GRID2: variants seen among roughly 807,000 people sequenced by gnomAD.
The protein encoded by GRID2 is glutamate receptor ionotropic, delta-2.
In GRID2, 33 loss-of-function variants were observed where a neutral mutation model predicts 114.8. The ratio of observed to expected loss-of-function variants is 0.29; its 90% CI spans 0.22 to 0.38. GRID2 has a LOEUF of 0.38. Ranked by LOEUF, GRID2 falls within the 10% of genes least tolerant of loss-of-function variation. GRID2 has a pLI of 1.00. For missense variants in GRID2, 1,184 were observed against 1,257.7 expected, an observed-to-expected ratio of 0.94 and a Z score of 0.89; for synonymous variants, 505 against 449.9, an observed-to-expected ratio of 1.12 and a Z score of -1.55.
intron 2 of GRID2, among the ~76,000 whole-genome samples, chr4:92,748,204 A>G (rs530597573): frequency 1.2e-3 from 176 of 152,334 alleles, no homozygotes; most frequent in African/African-American, 4.0e-3. Context: ...TATTTAAGGC[A>G]TGTATTAGAA....
chr4:93,461,239 G>A (rs956658526), intron 11 of GRID2, among the ~76,000 whole-genome samples: 1 of 152,058 alleles, frequency 6.6e-6, no homozygotes, highest in Admixed American at 6.6e-5. Flanking sequence ...TTGAAAAGCT[G>A]CTATTCTTCC....
At chr4:93,245,921 A>G (rs1748154202) in intron 8 of GRID2, among the ~76,000 whole-genome samples, 1 of 152,244 alleles carries the variant, frequency 6.6e-6, no homozygotes, top group Non-Finnish European at 1.5e-5. Context: ...CAAGAACTAC[A>G]AAGTCTAGTT....
intron 10 of GRID2, among the ~76,000 whole-genome samples, chr4:93,428,566 T>A (rs1156371544): frequency 6.6e-6 from 1 of 152,176 alleles, no homozygotes; most frequent in African/African-American, 2.4e-5. Flanking sequence ...ATATTTTTGA[T>A]GCAAAAATAC....
chr4:93,012,471 A>C (rs1434915772), intron 2 of GRID2, among the ~76,000 whole-genome samples: 1 of 152,092 alleles, frequency 6.6e-6, no homozygotes, highest in African/African-American at 2.4e-5. Context: ...TAGTCTACTG[A>C]GGCCTAGGGC....
chr4:92,493,352 C>G (rs10024635), intron 1 of GRID2, among the ~76,000 whole-genome samples: 1 of 152,148 alleles, frequency 6.6e-6, no homozygotes, highest in African/African-American at 2.4e-5. Context: ...CCACCTGATA[C>G]CTATGCTGGG....
chr4:93,427,551 T>TA (rs1768973192), intron 10 of GRID2, among the ~76,000 whole-genome samples: 1 of 152,000 alleles, frequency 6.6e-6, no homozygotes, highest in South Asian at 2.1e-4. Flanking sequence ...ACCATCACAT[T>TA]AAAGAAGAGT....
intron 3 of GRID2, among the ~76,000 whole-genome samples, chr4:93,091,518 C>A (rs1261961193): frequency 6.6e-6 from 1 of 152,054 alleles, no homozygotes; most frequent in Admixed American, 6.6e-5. Context: ...TAACATCTGT[C>A]CTTTCCCCAT....
chr4:93,293,416 A>G (rs1753955908), intron 8 of GRID2, among the ~76,000 whole-genome samples: 1 of 152,196 alleles, frequency 6.6e-6, no homozygotes, highest in Non-Finnish European at 1.5e-5. Flanking sequence ...AATGTTCAAG[A>G]CAAAAATAAG....
At chr4:92,909,673 G>A (rs1399247998) in intron 2 of GRID2, among the ~76,000 whole-genome samples, 1 of 151,960 alleles carries the variant, frequency 6.6e-6, no homozygotes, top group South Asian at 2.1e-4. Context: ...TCTTATACAG[G>A]AATTCAGAGC....
At chr4:93,170,591 G>C (rs545257340) in intron 4 of GRID2, among the ~76,000 whole-genome samples, 6 of 152,202 alleles carry the variant, frequency 3.9e-5, no homozygotes, top group Admixed American at 3.3e-4. Flanking sequence ...TTTGCATTTT[G>C]GGGGCATTAA....
chr4:92,850,496 T>C (rs1182562132), intron 2 of GRID2, among the ~76,000 whole-genome samples: 1 of 151,952 alleles, frequency 6.6e-6, no homozygotes, highest in African/African-American at 2.4e-5. Flanking sequence ...TATGGTTTTA[T>C]TTGCAGTGTT....
chr4:93,352,210 A>G (rs920268401), intron 8 of GRID2, among the ~76,000 whole-genome samples: 1 of 152,046 alleles, frequency 6.6e-6, no homozygotes, highest in Non-Finnish European at 1.5e-5. Context: ...TCATTGAATC[A>G]TAATCAAGGT....
intron 1 of GRID2, among the ~76,000 whole-genome samples, chr4:92,348,318 A>C (rs1462133736): frequency 6.6e-6 from 1 of 152,140 alleles, no homozygotes; most frequent in Non-Finnish European, 1.5e-5. Flanking sequence ...AACCTTATAG[A>C]TTTTATATTT....
At chr4:93,045,154 A>G (rs1034184803) in intron 2 of GRID2, among the ~76,000 whole-genome samples, 3 of 152,102 alleles carry the variant, frequency 2.0e-5, no homozygotes, top group Non-Finnish European at 4.4e-5. Context: ...AGAATCGACT[A>G]TGTCTAATTC....
At chr4:92,583,902 T>G (rs1579627491) in intron 1 of GRID2, among the ~76,000 whole-genome samples, 1 of 138,442 alleles carries the variant, frequency 7.2e-6, no homozygotes, top group Non-Finnish European at 1.5e-5. Flanking sequence ...TATATGTGTA[T>G]ATATTTATAT....
chr4:92,771,364 C>CT (rs1329958759), intron 2 of GRID2, among the ~76,000 whole-genome samples: 1 of 152,132 alleles, frequency 6.6e-6, no homozygotes, highest in Non-Finnish European at 1.5e-5. Flanking sequence ...ACTCATATTT[C>CT]TTTTTCACAT....
intron 8 of GRID2, among the ~76,000 whole-genome samples, chr4:93,264,292 G>C (rs539358305): frequency 6.6e-6 from 1 of 152,192 alleles, no homozygotes; most frequent in East Asian, 1.9e-4. Flanking sequence ...ATAAGCAAAG[G>C]AATGGTTTTG....
At chr4:92,439,408 C>A (rs1436932726) in intron 1 of GRID2, among the ~76,000 whole-genome samples, 1 of 152,030 alleles carries the variant, frequency 6.6e-6, no homozygotes, top group Non-Finnish European at 1.5e-5. Context: ...CCTGACATTC[C>A]CGCCTTCTTA....
chr4:92,441,322 T>C (rs1355481667), intron 1 of GRID2, among the ~76,000 whole-genome samples: 1 of 151,306 alleles, frequency 6.6e-6, no homozygotes, highest in African/African-American at 2.5e-5. Flanking sequence ...ATGGGGGCTG[T>C]CTGTGAAGCT....
Sources: gnomAD v4.1 joint callset for allele counts (sites outside exome capture counted in the v4.1 genomes callset) on GRCh38, gnomAD v4.1.1 for gene constraint, MANE v1.5 for transcripts, NCBI Gene and HGNC (gene_info 2026-07-23, HGNC 2026-07-21) for gene names.